The following TRAPPC9 variants were observed in gnomAD, a reference collection of about 807,000 sequenced individuals.
TRAPPC9 encodes IKK2 binding protein.
Under a neutral mutation model 124.0 loss-of-function variants are expected in TRAPPC9, and 83 were observed. That is an observed-to-expected ratio of 0.67 (90% CI 0.56 to 0.80). The LOEUF is 0.80. Among genes scored for constraint, TRAPPC9 ranks in the 30% least tolerant of loss-of-function variants. The pLI is 0.00. For missense variants in TRAPPC9, 1,302 were observed against 1,508.3 expected (o/e 0.86, Z 2.27); for synonymous variants, 638 against 617.5 (o/e 1.03, Z -0.49).
chr8:139,735,894 A>G (rs1426778903), intron 21 of TRAPPC9, among the ~76,000 whole-genome samples: 1 of 152,068 alleles, frequency 6.6e-6, no homozygotes. Context: ...AGAAGAGGGG[A>G]AGGAATGTGT....
chr8:140,353,619 C>T lies in TRAPPC9; in HGVS notation c.1495+6431G>A, dbSNP rs1772659553. On this transcript the variant is annotated intron_variant, in intron 9 of 22. Coordinates refer to ENST00000438773, the MANE Select transcript of TRAPPC9 (RefSeq NM_001160372.4). This position sits in a 1 kb window ranked among gnomAD's most constrained non-coding sequence, Gnocchi z 4.2. Reference sequence around the variant, plus strand: ...TAACTGTAAATTCATCCTGAAACGGCCAGCGCAAGGATGACCATCAGGCCG... The same window carrying T: ...TAACTGTAAATTCATCCTGAAACGGTCAGCGCAAGGATGACCATCAGGCCG... Among the ~76,000 whole-genome samples, 1 of 152,176 alleles carries T rather than the reference C, an allele frequency of 6.6e-6. No individual in the cohort carries two copies. The highest frequency in any genetic ancestry group is 2.4e-5 in the African/African-American group (1 of 41,430).
intron 19 of TRAPPC9, among the ~76,000 whole-genome samples, chr8:139,967,528 G>A (rs1035818969): frequency 6.6e-6 from 1 of 152,124 alleles, no homozygotes; most frequent in Non-Finnish European, 1.5e-5. Flanking sequence ...TCCTGCCAAA[G>A]GGGGCTCCCA....
At chr8:140,299,803 T>A (rs1489223773) in intron 11 of TRAPPC9, among the ~76,000 whole-genome samples, 1 of 152,178 alleles carries the variant, frequency 6.6e-6, no homozygotes, top group Non-Finnish European at 1.5e-5. Flanking sequence ...ACAGGAAAGC[T>A]CAGGAGAGAT....
At chr8:140,427,302 G>T (rs992863011) in intron 4 of TRAPPC9, among the ~76,000 whole-genome samples, 1 of 151,816 alleles carries the variant, frequency 6.6e-6, no homozygotes, top group Non-Finnish European at 1.5e-5. Flanking sequence ...TAGAATGGGG[G>T]AGAAAAGGTG....
At chr8:140,134,701 T>G (rs2061271406) in intron 17 of TRAPPC9, among the ~76,000 whole-genome samples, 1 of 152,206 alleles carries the variant, frequency 6.6e-6, no homozygotes, top group African/African-American at 2.4e-5. Context: ...ACTCAAACAG[T>G]ATCAGTTTCC....
intron 19 of TRAPPC9, among the ~76,000 whole-genome samples, chr8:139,943,367 G>A (rs1318754878): frequency 2.0e-5 from 3 of 152,152 alleles, no homozygotes; most frequent in Non-Finnish European, 2.9e-5. Flanking sequence ...GTGCCCAGCC[G>A]AGGTGGAGTT....
At chr8:140,412,571 C>T (rs1293815400) in intron 5 of TRAPPC9, among the ~76,000 whole-genome samples, 1 of 152,130 alleles carries the variant, frequency 6.6e-6, no homozygotes, top group Admixed American at 6.5e-5. Flanking sequence ...CCGAGGTATT[C>T]AGGACAGGGC....
intron 17 of TRAPPC9, among the ~76,000 whole-genome samples, chr8:140,067,058 T>C (rs1162741102): frequency 6.6e-6 from 1 of 152,194 alleles, no homozygotes; most frequent in African/African-American, 2.4e-5. Flanking sequence ...TTGTCACATA[T>C]CTGTTCAACA....
At chr8:140,429,990 T>C (rs984157125) in intron 4 of TRAPPC9, among the ~76,000 whole-genome samples, 2 of 150,758 alleles carry the variant, frequency 1.3e-5, no homozygotes, top group African/African-American at 2.4e-5. Flanking sequence ...CCACTAAACA[T>C]ACAAAAATTA....
intron 4 of TRAPPC9, among the ~76,000 whole-genome samples, chr8:140,430,809 T>G (rs756981793): frequency 3.3e-5 from 5 of 151,966 alleles, no homozygotes; most frequent in Admixed American, 1.3e-4. Context: ...AGGCTAATTT[T>G]TTGTATTTTT....
intron 19 of TRAPPC9, among the ~76,000 whole-genome samples, chr8:139,980,979 A>G (rs558246338): frequency 1.3e-5 from 2 of 152,328 alleles, no homozygotes; most frequent in Non-Finnish European, 2.9e-5. Flanking sequence ...AAAGCCAATC[A>G]AGTCATCCTA....
At chr8:139,803,979 A>G (rs1823749412) in intron 21 of TRAPPC9, among the ~76,000 whole-genome samples, 1 of 152,004 alleles carries the variant, frequency 6.6e-6, no homozygotes, top group South Asian at 2.1e-4. Context: ...GAATCCCTCA[A>G]GTCTGCAAAC....
Position 139,914,992 on chromosome 8 carries a change from TG to T in TRAPPC9, c.2811-4693del, listed in dbSNP as rs1197278518. On this transcript the variant is annotated intron_variant, in intron 19 of 22. Coordinates refer to ENST00000438773, the MANE Select transcript of TRAPPC9 (RefSeq NM_001160372.4). The stretch of plus-strand genomic sequence containing the variant: ...AAAAGTGACTCGGAACCGTGGCTGA[TG>T]CTCTGGCAAGTCACTGCAAAGGGGT... 5 of 152,360 alleles carry T rather than the reference TG, an allele frequency of 3.3e-5. No individual in the cohort carries two copies. In the East Asian group the frequency reaches 9.7e-4, roughly 29 times the overall value. 9.4% of individuals were successfully genotyped at this position (152,360 alleles called of 1,614,324 possible).
At chr8:140,309,733 T>C (rs2066240293) in intron 10 of TRAPPC9, among the ~76,000 whole-genome samples, 1 of 152,238 alleles carries the variant, frequency 6.6e-6, no homozygotes, top group Non-Finnish European at 1.5e-5. Context: ...GTCTTAGTCA[T>C]AGAAAAGCCT....
At chr8:139,777,625 T>C (rs1821483477) in intron 21 of TRAPPC9, among the ~76,000 whole-genome samples, 1 of 152,198 alleles carries the variant, frequency 6.6e-6, no homozygotes, top group African/African-American at 2.4e-5. Context: ...TGAAACAAAA[T>C]CTTATCAAAA....
chr8:140,075,567 A>G (rs1843456870), intron 17 of TRAPPC9, among the ~76,000 whole-genome samples: 2 of 152,224 alleles, frequency 1.3e-5, no homozygotes. Flanking sequence ...CCGCCATATA[A>G]GTAGCTAGCC....
chr8:139,992,385 C>A (rs1837703107), intron 18 of TRAPPC9, among the ~76,000 whole-genome samples: 1 of 151,970 alleles, frequency 6.6e-6, no homozygotes, highest in South Asian at 2.1e-4. Flanking sequence ...GTGAGCATCC[C>A]AAATCCAAAA....
intron 21 of TRAPPC9, among the ~76,000 whole-genome samples, chr8:139,849,919 T>C (rs555765592): frequency 1.4e-4 from 22 of 152,162 alleles, no homozygotes; most frequent in Non-Finnish European, 2.8e-4. Context: ...GTGGCTCCTG[T>C]CCAGGAGAGG....
intron 7 of TRAPPC9, among the ~76,000 whole-genome samples, chr8:140,389,041 T>G (rs189421450): frequency 3.9e-4 from 54 of 138,974 alleles, no homozygotes; most frequent in African/African-American, 1.3e-3. Flanking sequence ...CACTGCAACC[T>G]CCGCCTCCCA....
Sources: gnomAD v4.1 joint callset for allele counts (sites outside exome capture counted in the v4.1 genomes callset) on GRCh38, gnomAD v4.1.1 for gene constraint, Gnocchi (gnomAD v3.1) non-coding constraint, MANE v1.5 for transcripts, NCBI Gene and HGNC (gene_info 2026-07-23, HGNC 2026-07-21) for gene names.